BRWD1: variants seen among roughly 807,000 people sequenced by gnomAD.
BRWD1 encodes the protein bromodomain and WD repeat-containing protein 1.
BRWD1 carries 82 observed loss-of-function variants against 251.2 expected under a neutral mutation model. The ratio of observed to expected loss-of-function variants is 0.33; its 90% CI spans 0.27 to 0.39. The LOEUF is 0.39. BRWD1 is among the 10% of genes least tolerant of loss of function. BRWD1 has a pLI of 1.00. For synonymous variants in BRWD1, 918 were observed against 902.8 expected (o/e 1.02, Z -0.30); for missense variants, 2,233 against 2,711.6 (o/e 0.82, Z 3.92).
At chr21:39,210,688 A>AG (rs2032617481) in intron 35 of BRWD1, 98 bp downstream of exon 35, 1 of 1,395,146 alleles carries the variant, frequency 7.2e-7, no homozygotes, top group Admixed American at 2.6e-5. Context: ...GTTAACATAA[A>AG]GCCTGGGTAT....
chr21:39,319,988 G>A (rs568409239), intron 1 of BRWD1, among the ~76,000 whole-genome samples: 4 of 151,902 alleles, frequency 2.6e-5, no homozygotes, highest in East Asian at 1.9e-4. Flanking sequence ...TTTCTCATTC[G>A]CTGTCACCTC....
chr21:39,304,677 C>G (rs1199606516), intron 4 of BRWD1, among the ~76,000 whole-genome samples: 3 of 151,936 alleles, frequency 2.0e-5, no homozygotes, highest in Admixed American at 6.6e-5. Context: ...AAACTACACG[C>G]TGTTTACGGG....
intron 8 of BRWD1, among the ~76,000 whole-genome samples, chr21:39,283,963 T>C (rs1169322364): frequency 6.6e-6 from 1 of 152,230 alleles, no homozygotes. Context: ...GATTCCGTGC[T>C]ACAATCTCAT....
intron 7 of BRWD1, among the ~76,000 whole-genome samples, chr21:39,294,608 T>C (rs896132606): frequency 2.6e-5 from 4 of 151,152 alleles, no homozygotes; most frequent in East Asian, 1.9e-4. Context: ...TGAGCGGAGA[T>C]TGCGCCACTG....
intron 8 of BRWD1, among the ~76,000 whole-genome samples, 163 bp from the exon 9 acceptor site, chr21:39,280,411 A>C (rs1302658503): frequency 6.6e-6 from 1 of 152,206 alleles, no homozygotes; most frequent in Non-Finnish European, 1.5e-5. Flanking sequence ...ACCTCTCCAC[A>C]TTCATTTATA....
chr21:39,187,615 G>A lies in BRWD1; in HGVS notation c.*8644C>T, dbSNP rs777302284. 16 of 985,176 alleles carry A rather than the reference G, an allele frequency of 1.6e-5. No individual in the cohort carries two copies. The highest frequency in any genetic ancestry group is 1.9e-5 in the Non-Finnish European group (16 of 829,776). 61.0% of individuals were successfully genotyped at this position (985,176 alleles called of 1,614,324 possible). ...TACATTTGCTTATCTACAACTATAAGGATGTCACTTAAAACAGTAGCAGAC... is the reference window on the plus strand; with the variant it reads ...TACATTTGCTTATCTACAACTATAAAGATGTCACTTAAAACAGTAGCAGAC... On this transcript the variant is annotated 3_prime_UTR_variant, in exon 41 of 41. Coordinates refer to ENST00000342449, the MANE Select transcript of BRWD1 (RefSeq NM_033656.4).
chr21:39,313,851 G>A (rs2036620139), upstream of BRWD1: 3 of 340,262 alleles, frequency 8.8e-6, no homozygotes, highest in Admixed American at 5.3e-5. Context: ...GGGAGGGGAG[G>A]GCGCGTGGTC....
intron 19 of BRWD1, among the ~76,000 whole-genome samples, chr21:39,254,848 T>C (rs2146623189): frequency 6.6e-6 from 1 of 152,356 alleles, no homozygotes; most frequent in South Asian, 2.1e-4. Flanking sequence ...GATAGAATTA[T>C]CACTTATGAA....
In BRWD1 at chr21:39,299,812, TAAAAA is replaced by T. The variant is rs34769388; in HGVS notation, c.199-1235_199-1231del. ...GGAAATGGTGACATCCCATCTCTACTAAAAAAAAAAAAACACAAAAATTAGCTGGG... is the reference window on the plus strand; with the variant it reads ...GGAAATGGTGACATCCCATCTCTACTAAAAAAAACACAAAAATTAGCTGGG... On this transcript the variant is annotated intron_variant, in intron 4 of 40. Coordinates refer to ENST00000342449, the MANE Select transcript of BRWD1 (RefSeq NM_033656.4). 4.1e-5 allele frequency among the ~76,000 whole-genome samples: 6 copies of T among 144,806 alleles called. No individual in the cohort carries two copies. In the Admixed American group the frequency reaches 4.2e-4, roughly 10 times the overall value. The allele number at this position is 144,806 out of a possible 152,430, so 95.0% of individuals were successfully genotyped here.
At chr21:39,309,966 T>C (rs183088578) in intron 4 of BRWD1, among the ~76,000 whole-genome samples, 3 of 152,350 alleles carry the variant, frequency 2.0e-5, no homozygotes, top group Non-Finnish European at 2.9e-5. Flanking sequence ...TGAAATGTAG[T>C]GTCTGGAATC....
chr21:39,312,329 C>T (rs531540885), intron 4 of BRWD1, among the ~76,000 whole-genome samples: 1 of 152,332 alleles, frequency 6.6e-6, no homozygotes, highest in South Asian at 2.1e-4. Flanking sequence ...CATACAGCTG[C>T]AAGATTTTTA....
At chr21:39,314,447 G>T, upstream of BRWD1, 1 of 409,338 alleles carries the variant, frequency 2.4e-6, no homozygotes, top group South Asian at 1.7e-5. Context: ...TGGGGAGAGG[G>T]TGGTGCAGAC....
At chr21:39,309,422 C>T (rs1257237286) in intron 4 of BRWD1, among the ~76,000 whole-genome samples, 1 of 152,010 alleles carries the variant, frequency 6.6e-6, no homozygotes, top group Non-Finnish European at 1.5e-5. Flanking sequence ...CACACCACTG[C>T]ACCCCAGCCT....
intron 21 of BRWD1, among the ~76,000 whole-genome samples, chr21:39,240,378 T>C (rs1041422459): frequency 6.6e-6 from 1 of 152,190 alleles, no homozygotes; most frequent in Non-Finnish European, 1.5e-5. Context: ...CCTGTAGTCC[T>C]AGCTACTCAA....
chr21:39,270,337 A>C lies in BRWD1; in HGVS notation c.1341T>G (p.Asp447Glu). The change falls in exon 14 of 41, where the codon GAT becomes GAG. Residue 447 changes from aspartate (D) to glutamate (E), a missense_variant. Coordinates refer to ENST00000342449, the MANE Select transcript of BRWD1 (RefSeq NM_033656.4). Reference protein sequence around the residue: ...NDSIVVTAVNDHVLKVWNSYT... With the variant: ...NDSIVVTAVNEHVLKVWNSYT... ...AAGAATTCCACACTTTGAGGACATG[A>C]TCATTCACAGCTGTGACAACAATGC... 1 of 1,612,388 alleles carries C rather than the reference A, an allele frequency of 6.2e-7. No homozygotes were observed. Among genetic ancestry groups the C allele is most frequent in the Non-Finnish European group, 8.5e-7 (1 of 1,179,318 alleles).
chr21:39,266,258 T>C (rs921469627), intron 15 of BRWD1, among the ~76,000 whole-genome samples: 2 of 132,184 alleles, frequency 1.5e-5, no homozygotes, highest in African/African-American at 5.9e-5. Flanking sequence ...GATGTGCATA[T>C]TAATTCATAT....
chr21:39,235,584 A>T (rs1426515538), intron 23 of BRWD1: 2 of 217,908 alleles, frequency 9.2e-6, no homozygotes, highest in Admixed American at 8.4e-5. Context: ...TGTTTCTTCT[A>T]AATATATGAT....
At chr21:39,312,646 T>C (rs1017061409) in intron 4 of BRWD1, 195 bp downstream of exon 4, 1 of 414,852 alleles carries the variant, frequency 2.4e-6, no homozygotes, top group Non-Finnish European at 4.4e-6. Context: ...CCCCAATGAC[T>C]GTTTCCTGCC....
intron 4 of BRWD1, among the ~76,000 whole-genome samples, chr21:39,304,653 A>G (rs2036228194): frequency 6.6e-6 from 1 of 152,112 alleles, no homozygotes; most frequent in Non-Finnish European, 1.5e-5. Context: ...AACATCACTA[A>G]AAGAATGCAC....
Sources: allele counts gnomAD v4.1 joint callset (sites outside exome capture counted in the v4.1 genomes callset), GRCh38; gene constraint gnomAD v4.1.1; transcripts MANE v1.5; gene names NCBI Gene and HGNC (gene_info 2026-07-23, HGNC 2026-07-21).